KATNAL1: variants seen among roughly 807,000 people sequenced by gnomAD.
KATNAL1 encodes the protein katanin p60 ATPase-containing subunit A-like 1.
Under a neutral mutation model 55.2 loss-of-function variants are expected in KATNAL1, and 32 were observed. The observed-to-expected ratio is 0.58, with a 90% confidence interval of 0.44 to 0.78. The LOEUF (loss-of-function observed/expected upper bound fraction) is 0.78. Ranked by LOEUF, KATNAL1 falls within the 30% of genes least tolerant of loss-of-function variation. The pLI, the probability that KATNAL1 is intolerant of heterozygous loss-of-function variation, is 0.00. For missense variants in KATNAL1, 466 were observed against 600.9 expected, an observed-to-expected ratio of 0.78 and a Z score of 2.35; for synonymous variants, 193 against 193.6, an observed-to-expected ratio of 1.00 and a Z score of 0.02.
intron 9 of KATNAL1, among the ~76,000 whole-genome samples, chr13:30,224,771 A>C (rs911086335): frequency 6.6e-6 from 1 of 152,244 alleles, no homozygotes; most frequent in Non-Finnish European, 1.5e-5. Flanking sequence ...TAAATTACTA[A>C]TATTAGGAAT....
chr13:30,269,995 C>T (rs978734639), intron 3 of KATNAL1, among the ~76,000 whole-genome samples: 1 of 148,482 alleles, frequency 6.7e-6, no homozygotes, highest in African/African-American at 2.5e-5. Context: ...CCCCTCTGCC[C>T]GGCCAGCCGC....
At chr13:30,262,780 T>C (rs550503091) in intron 3 of KATNAL1, among the ~76,000 whole-genome samples, 136 of 151,984 alleles carry the variant, frequency 8.9e-4, no homozygotes, top group Middle Eastern at 6.8e-3. Flanking sequence ...AGCCGAATTC[T>C]ACCAGAGGTA....
intron 10 of KATNAL1, among the ~76,000 whole-genome samples, chr13:30,209,526 C>T (rs184646911): frequency 6.6e-6 from 1 of 152,168 alleles, no homozygotes; most frequent in East Asian, 1.9e-4. Context: ...AATTTAAGTG[C>T]AGTTAGAAAA....
intron 3 of KATNAL1, among the ~76,000 whole-genome samples, chr13:30,263,409 A>G (rs1034267545): frequency 3.7e-4 from 56 of 150,872 alleles, no homozygotes; most frequent in Non-Finnish European, 6.7e-4. Context: ...GTATTCAATT[A>G]GGAAAAGAGG....
chr13:30,211,997 A>G (rs896587756), intron 9 of KATNAL1, among the ~76,000 whole-genome samples: 1 of 152,186 alleles, frequency 6.6e-6, no homozygotes, highest in African/African-American at 2.4e-5. Flanking sequence ...TAATGATGTA[A>G]GAACAGCTGA....
At chr13:30,224,540 A>C (rs1875245015) in intron 9 of KATNAL1, among the ~76,000 whole-genome samples, 1 of 152,032 alleles carries the variant, frequency 6.6e-6, no homozygotes, top group African/African-American at 2.4e-5. Context: ...TCTCTTAAAA[A>C]AAAAAAAAAG....
intron 1 of KATNAL1, among the ~76,000 whole-genome samples, chr13:30,288,895 T>G (rs572147252): frequency 6.6e-4 from 101 of 152,360 alleles, no homozygotes; most frequent in Middle Eastern, 3.4e-3. Context: ...GGTTCAAGAT[T>G]ACATGATAGA....
At chr13:30,229,993 C>A (rs1875928012) in intron 8 of KATNAL1, among the ~76,000 whole-genome samples, 1 of 134,208 alleles carries the variant, frequency 7.5e-6, no homozygotes. Flanking sequence ...TCTTTAATGT[C>A]TATCTAGAGA....
At position 30,247,013 on chromosome 13, in the gene KATNAL1, T is replaced by A. The variant is rs142702852; in HGVS notation, c.493-5927A>T. Among the ~76,000 whole-genome samples, 623 of 152,288 alleles carry A rather than the reference T, an allele frequency of 4.1e-3. 5 individuals are homozygous for A. The highest frequency in any genetic ancestry group is 0.015 in the African/African-American group (605 of 41,542). ...TTCTAAGCACTGGATATATATTAACTCTCTTATTAATCCTAAAAGTCCTAT... is the reference window on the plus strand; with the variant it reads ...TTCTAAGCACTGGATATATATTAACACTCTTATTAATCCTAAAAGTCCTAT... On this transcript the variant is annotated intron_variant, in intron 4 of 10. Coordinates refer to ENST00000380615, the MANE Select transcript of KATNAL1 (RefSeq NM_032116.5).
At chr13:30,257,355 T>C (rs1878880885) in intron 3 of KATNAL1, among the ~76,000 whole-genome samples, 1 of 152,234 alleles carries the variant, frequency 6.6e-6, no homozygotes, top group South Asian at 2.1e-4. Flanking sequence ...GTTTGCTCTT[T>C]TGTAAGCGGC....
intron 9 of KATNAL1, among the ~76,000 whole-genome samples, chr13:30,222,548 A>C (rs1272472247): frequency 6.6e-6 from 1 of 152,232 alleles, no homozygotes; most frequent in Admixed American, 6.5e-5. Flanking sequence ...ACAGTCATCC[A>C]AGGGTAGCTC....
At chr13:30,286,642 G>A (rs773906318) in intron 1 of KATNAL1, among the ~76,000 whole-genome samples, 3 of 152,246 alleles carry the variant, frequency 2.0e-5, no homozygotes, top group Non-Finnish European at 2.9e-5. Flanking sequence ...AACTTCCACT[G>A]AGTCCCCACT....
chr13:30,298,059 C>T (rs758585778), intron 1 of KATNAL1, among the ~76,000 whole-genome samples: 1 of 152,124 alleles, frequency 6.6e-6, no homozygotes, highest in Non-Finnish European at 1.5e-5. Context: ...GAGACATGTA[C>T]ATTTTTTAGA....
intron 1 of KATNAL1, among the ~76,000 whole-genome samples, chr13:30,287,304 G>A (rs1410003712): frequency 2.0e-5 from 3 of 152,188 alleles, no homozygotes; most frequent in African/African-American, 7.2e-5. Context: ...CTGGATCATG[G>A]GGGTGGTTCC....
chr13:30,302,070 C>T (rs1181045100), intron 1 of KATNAL1, among the ~76,000 whole-genome samples: 5 of 152,132 alleles, frequency 3.3e-5, no homozygotes, highest in Non-Finnish European at 5.9e-5. Flanking sequence ...TGATGTCTCG[C>T]CATGTTGCCC....
At chr13:30,294,880 T>C (rs1419240160) in intron 1 of KATNAL1, among the ~76,000 whole-genome samples, 2 of 152,222 alleles carry the variant, frequency 1.3e-5, no homozygotes, top group Non-Finnish European at 2.9e-5. Context: ...CTGAAGCTAC[T>C]CTGCCTGTGC....
intron 9 of KATNAL1, among the ~76,000 whole-genome samples, chr13:30,223,297 C>A (rs1002046524): frequency 6.6e-6 from 1 of 151,026 alleles, no homozygotes; most frequent in South Asian, 2.1e-4. Flanking sequence ...AAAAAATTAG[C>A]CGGGAATGGT....
At chr13:30,306,410 G>A (rs202081) in intron 1 of KATNAL1, among the ~76,000 whole-genome samples, 140,517 of 152,132 alleles carry the variant, frequency 0.92, 64,972 homozygotes, top group Middle Eastern at 0.96. Context: ...GTAATTTAAA[G>A]CTGAACTAAT....
chr13:30,280,018 T>A (rs1195707999), intron 3 of KATNAL1, 45 bp downstream of exon 3: 7 of 1,519,500 alleles, frequency 4.6e-6, no homozygotes, highest in African/African-American at 1.4e-5. Context: ...ACTGTGAACA[T>A]CAATTAACTA....
Sources: allele counts gnomAD v4.1 joint callset (sites outside exome capture counted in the v4.1 genomes callset), GRCh38; gene constraint gnomAD v4.1.1; transcripts MANE v1.5; gene names NCBI Gene and HGNC (gene_info 2026-07-23, HGNC 2026-07-21).